DIAPH3: variants seen among roughly 807,000 people sequenced by gnomAD.
DIAPH3 encodes protein diaphanous homolog 3.
A neutral mutation model predicts 144.3 loss-of-function variants in DIAPH3; 117 were observed. That is an observed-to-expected ratio of 0.81 (90% CI 0.70 to 0.95). DIAPH3 has a LOEUF of 0.95. DIAPH3 is among the 40% of genes least tolerant of loss of function. The probability of loss-of-function intolerance (pLI) is 0.00; values close to 1 mark genes in which losing one functional copy is unlikely to be tolerated. For synonymous variants in DIAPH3, 519 were observed against 488.9 expected (o/e 1.06, Z -0.81); for missense variants, 1,421 against 1,412.7 (o/e 1.01, Z -0.09).
Position 60,005,879 on chromosome 13 carries a change from A to T in DIAPH3, c.1014+2665T>A, listed in dbSNP as rs553152633. On this transcript the variant is annotated intron_variant, in intron 9 of 27. Transcript: ENST00000400324. ...AATTAAACCTGTATCAAAACTTTATATAAACAGAATTCTTAATATTTATTT... is the reference window on the plus strand; with the variant it reads ...AATTAAACCTGTATCAAAACTTTATTTAAACAGAATTCTTAATATTTATTT... Among the ~76,000 whole-genome samples, 5 of 152,320 alleles carry T rather than the reference A, an allele frequency of 3.3e-5. No individual in the cohort carries two copies. The South Asian group carries it at 8.3e-4, about 25-fold the overall frequency.
intron 18 of DIAPH3, among the ~76,000 whole-genome samples, chr13:59,921,301 C>G (rs1406113584): frequency 1.4e-5 from 2 of 145,354 alleles, no homozygotes; most frequent in South Asian, 4.3e-4. Flanking sequence ...GAAAAAACAA[C>G]CAAAAATTTC....
At chr13:59,989,668 T>G (rs1594244736) in intron 12 of DIAPH3, among the ~76,000 whole-genome samples, 1 of 152,072 alleles carries the variant, frequency 6.6e-6, no homozygotes, top group South Asian at 2.1e-4. Flanking sequence ...CAATTTAATC[T>G]TTCTCCAAGA....
rs79759256 is a variant in DIAPH3, at chr13:59,931,144, G to A, written c.2075-6274C>T. 3.7e-3 allele frequency among the ~76,000 whole-genome samples: 570 copies of A among 152,162 alleles called. 2 individuals carry two copies. The highest frequency in any genetic ancestry group is 0.012 in the African/African-American group (502 of 41,508). ...TCTTTTTGCTATTTTCAAGTCAAACGCTTGAATTTTGCTACTATTCCCCTC... is the reference window on the plus strand; with the variant it reads ...TCTTTTTGCTATTTTCAAGTCAAACACTTGAATTTTGCTACTATTCCCCTC... On this transcript the variant is annotated intron_variant, in intron 17 of 27. Transcript: ENST00000400324.
At chr13:59,668,633 A>G (rs999410656) in intron 27 of DIAPH3, among the ~76,000 whole-genome samples, 1 of 152,188 alleles carries the variant, frequency 6.6e-6, no homozygotes, top group Non-Finnish European at 1.5e-5. Flanking sequence ...CTCAATAAAT[A>G]TGTGTTGGGT....
At chr13:59,853,950 G>A (rs1271666613) in intron 22 of DIAPH3, among the ~76,000 whole-genome samples, 1 of 152,124 alleles carries the variant, frequency 6.6e-6, no homozygotes, top group East Asian at 1.9e-4. Context: ...TAGTGGGTGA[G>A]TAGTGCCCCC....
intron 25 of DIAPH3, among the ~76,000 whole-genome samples, chr13:59,795,032 T>C (rs1566319124): frequency 6.6e-6 from 1 of 152,248 alleles, no homozygotes; most frequent in Non-Finnish European, 1.5e-5. Flanking sequence ...GTTCATTCTG[T>C]AAATGGCCTG....
intron 24 of DIAPH3, 36 bp from the exon 25 acceptor site, chr13:59,810,959 G>A: frequency 6.4e-7 from 1 of 1,567,700 alleles, no homozygotes; most frequent in South Asian, 1.2e-5. Context: ...ATTTTAACCA[G>A]TGATTCATCC....
chr13:60,109,857 G>T (rs1328582672), intron 3 of DIAPH3, among the ~76,000 whole-genome samples: 1 of 152,180 alleles, frequency 6.6e-6, no homozygotes, highest in Non-Finnish European at 1.5e-5. Flanking sequence ...ATGTAGTGAT[G>T]AACACAACTA....
intron 17 of DIAPH3, among the ~76,000 whole-genome samples, chr13:59,925,341 A>C (rs1271680966): frequency 6.6e-6 from 1 of 152,174 alleles, no homozygotes. Context: ...CTTATGAAAA[A>C]TTAACAGAAT....
intron 24 of DIAPH3, among the ~76,000 whole-genome samples, chr13:59,828,580 A>T (rs2139690257): frequency 6.7e-6 from 1 of 150,266 alleles, no homozygotes; most frequent in East Asian, 2.0e-4. Context: ...CTCTGCAAAG[A>T]CATGGAGCTT....
At chr13:59,762,093 T>C (rs1215219253) in intron 27 of DIAPH3, among the ~76,000 whole-genome samples, 2 of 131,114 alleles carry the variant, frequency 1.5e-5, no homozygotes, top group Middle Eastern at 4.2e-3. Flanking sequence ...ACAGTCTTGC[T>C]CTGTTGCCAG....
intron 4 of DIAPH3, among the ~76,000 whole-genome samples, chr13:60,073,656 A>G (rs2057288188): frequency 1.3e-5 from 2 of 152,330 alleles, no homozygotes; most frequent in South Asian, 2.1e-4. Context: ...ATTGTAACAC[A>G]TAGGTAAATG....
At chr13:59,861,599 AAAT>A in intron 21 of DIAPH3, 63 bp from the exon 22 acceptor site, 13 of 1,504,908 alleles carry the variant, frequency 8.6e-6, no homozygotes, top group Non-Finnish European at 1.2e-5. Flanking sequence ...CTGTCTACTT[AAAT>A]AATATTAATA....
intron 24 of DIAPH3, among the ~76,000 whole-genome samples, chr13:59,818,859 T>C (rs1274591620): frequency 1.3e-5 from 2 of 151,896 alleles, no homozygotes; most frequent in East Asian, 1.9e-4. Flanking sequence ...CCACCACACT[T>C]CCATTTCCAT....
At chr13:59,713,562 A>G (rs1382854553) in intron 27 of DIAPH3, among the ~76,000 whole-genome samples, 2 of 152,186 alleles carry the variant, frequency 1.3e-5, no homozygotes, top group Non-Finnish European at 2.9e-5. Flanking sequence ...ACTGGATAAG[A>G]TCTGTTTTAG....
intron 21 of DIAPH3, among the ~76,000 whole-genome samples, chr13:59,872,084 C>T (rs1457913355): frequency 6.6e-6 from 1 of 152,088 alleles, no homozygotes; most frequent in Non-Finnish European, 1.5e-5. Context: ...TTGATATCTG[C>T]TCTAGTATAT....
intron 17 of DIAPH3, among the ~76,000 whole-genome samples, chr13:59,949,822 A>G (rs2049008653): frequency 1.3e-5 from 2 of 152,196 alleles, no homozygotes; most frequent in Non-Finnish European, 2.9e-5. Flanking sequence ...TACAGACACC[A>G]GCTTGATTCA....
At chr13:59,706,519 A>C (rs1859396448) in intron 27 of DIAPH3, among the ~76,000 whole-genome samples, 1 of 152,230 alleles carries the variant, frequency 6.6e-6, no homozygotes, top group Non-Finnish European at 1.5e-5. Flanking sequence ...CGAAACTGAA[A>C]GCTGGCTGCT....
At chr13:59,995,916 A>T (rs1009275805) in intron 9 of DIAPH3, among the ~76,000 whole-genome samples, 2 of 152,026 alleles carry the variant, frequency 1.3e-5, no homozygotes, top group Non-Finnish European at 1.5e-5. Context: ...AGAACTGTTT[A>T]GGGCATTTTC....
Sources: gnomAD v4.1 joint callset for allele counts (sites outside exome capture counted in the v4.1 genomes callset) on GRCh38, gnomAD v4.1.1 for gene constraint, MANE v1.5 for transcripts, NCBI Gene and HGNC (gene_info 2026-07-23, HGNC 2026-07-21) for gene names.